Variants in MTOR observed in about 807,000 individuals in gnomAD.
MTOR encodes the protein serine/threonine-protein kinase mTOR.
MTOR carries 70 observed loss-of-function variants against 319.8 expected under a neutral mutation model. The ratio of observed to expected loss-of-function variants is 0.22; its 90% CI spans 0.18 to 0.27. The LOEUF (loss-of-function observed/expected upper bound fraction) is 0.27. Ranked by LOEUF, MTOR falls within the 10% of genes least tolerant of loss-of-function variation. The pLI is 1.00. For synonymous variants in MTOR, 1,183 were observed against 1,211.4 expected, an observed-to-expected ratio of 0.98 and a Z score of 0.49; for missense variants, 1,890 against 3,274.4, an observed-to-expected ratio of 0.58 and a Z score of 10.32.
chr1:11,256,879 C>T lies in MTOR; in HGVS notation c.504+54G>A, dbSNP rs565848493. The T allele has an allele frequency of 7.2e-5, 111 of 1,539,974 alleles. No individual in the cohort carries two copies. The Middle Eastern group carries it at 8.5e-4, about 12-fold the overall frequency. ...CCTCAGAAGGAAGCAAAAGACCCCC[C>T]CATGACACCATCGTTCCCCAAGCCT... On this transcript the variant is annotated intron_variant, in intron 4 of 57. Transcript: ENST00000361445.
intron 28 of MTOR, among the ~76,000 whole-genome samples, chr1:11,170,245 G>A (rs985743887): frequency 6.6e-6 from 1 of 152,182 alleles, no homozygotes; most frequent in Non-Finnish European, 1.5e-5. Context: ...CTCCACTGTA[G>A]GTTCATTGGG....
Position 11,167,520 on chromosome 1 carries a change from G to T in MTOR, c.4254-3C>A. The stretch of plus-strand genomic sequence containing the variant: ...GCTGCTGTAGCTTATTATTAATGCT[G>T]AGAAAACAAAGGGAAAAGGTAGTTA... On this transcript the variant is annotated splice_region_variant and splice_polypyrimidine_tract_variant and intron_variant, in intron 28 of 57. Transcript: ENST00000361445. The T allele has an allele frequency of 1.2e-6, 2 of 1,610,394 alleles. No individual in the cohort carries two copies. The highest frequency in any genetic ancestry group is 2.2e-5 in the South Asian group (2 of 91,004).
chr1:11,153,261 G>A (rs544700076), intron 30 of MTOR, among the ~76,000 whole-genome samples: 1 of 152,298 alleles, frequency 6.6e-6, no homozygotes, highest in African/African-American at 2.4e-5. Context: ...AAAAGAGGCA[G>A]AAGAAGAGGG....
intron 9 of MTOR, among the ~76,000 whole-genome samples, chr1:11,242,700 G>A (rs1276964159): frequency 6.6e-6 from 1 of 152,164 alleles, no homozygotes; most frequent in East Asian, 1.9e-4. Flanking sequence ...TTCGCCAGGA[G>A]GTTTAAAGAG....
Position 11,144,980 on chromosome 1 carries a change from ACT to A in MTOR, c.4750_4751del (p.Arg1585GlyfsTer63). On this transcript the variant is annotated frameshift_variant, in exon 33 of 58. Coordinates refer to ENST00000361445, the MANE Select transcript of MTOR (RefSeq NM_004958.4). LOFTEE classifies it high-confidence loss of function. ...ELTAMAGESY[S>X]RAYGAMVSCH... Reference sequence around the variant, plus strand: ...AGTTGACACTTACCCCATATGCCCGACTGTAACTCTCTCCTGCCATCGCAGTT... The same window carrying A: ...AGTTGACACTTACCCCATATGCCCGAGTAACTCTCTCCTGCCATCGCAGTT... 6.2e-7 allele frequency: 1 copy of A among 1,614,128 alleles called. No individual in the cohort carries two copies.
Position 11,109,105 on chromosome 1 carries a change from T to A in MTOR, c.7528+185A>T, listed in dbSNP as rs1641725674. Among the ~76,000 whole-genome samples, 1 of 152,216 alleles carries A rather than the reference T, an allele frequency of 6.6e-6. No individual in the cohort carries two copies. The highest frequency in any genetic ancestry group is 2.4e-5 in the African/African-American group (1 of 41,456). On this transcript the variant is annotated intron_variant, in intron 56 of 57. Transcript: ENST00000361445. This position sits in a 1 kb window ranked among gnomAD's most constrained non-coding sequence, Gnocchi z 4.0. ...GAGATTAAACTAACATTAAGTACTGTTATCAGTCATCAGAAAGAAGAATCA... is the reference window on the plus strand; with the variant it reads ...GAGATTAAACTAACATTAAGTACTGATATCAGTCATCAGAAAGAAGAATCA...
chr1:11,175,979 C>T (rs572735436), intron 28 of MTOR, among the ~76,000 whole-genome samples: 13 of 152,146 alleles, frequency 8.5e-5, no homozygotes, highest in African/African-American at 3.1e-4. Context: ...AACTCCTGAC[C>T]TCAAATGATC....
At position 11,150,120 on chromosome 1, in the gene MTOR, C is replaced by A; in HGVS notation, c.4570+6G>T. Reference sequence around the variant, plus strand: ...CTTCACAGGGTGCCTGTGAGGGAAGCTTTACCTAAACCCCATGCAGCTGCA... The same window carrying A: ...CTTCACAGGGTGCCTGTGAGGGAAGATTTACCTAAACCCCATGCAGCTGCA... On this transcript the variant is annotated splice_donor_region_variant and intron_variant, in intron 31 of 57. Transcript: ENST00000361445. 6.2e-7 allele frequency: 1 copy of A among 1,613,486 alleles called. No homozygotes were observed. Among genetic ancestry groups the A allele is most frequent in the Non-Finnish European group, 8.5e-7 (1 of 1,179,766 alleles).
intron 30 of MTOR, among the ~76,000 whole-genome samples, chr1:11,156,368 T>C (rs1323498712): frequency 6.6e-6 from 1 of 152,338 alleles, no homozygotes. Context: ...TTTTTAAAAG[T>C]TGCACTTGTT....
At chr1:11,193,199 C>T (rs1188994995) in intron 28 of MTOR, among the ~76,000 whole-genome samples, 1 of 151,744 alleles carries the variant, frequency 6.6e-6, no homozygotes, top group African/African-American at 2.4e-5. Context: ...CACTCTGGTC[C>T]CAGCTACTAG....
chr1:11,242,500 C>CAAAAAAAAAAAAAAAAAAAAA (rs70977555), intron 9 of MTOR, among the ~76,000 whole-genome samples: 1 of 52,632 alleles, frequency 1.9e-5, no homozygotes, highest in African/African-American at 8.7e-5. Context: ...GACTCCATCT[C>CAAAAAAAAAAAAAAAAAAAAA]AAAAAAAAAA....
At chr1:11,136,283 A>G (rs2100460907) in intron 36 of MTOR, among the ~76,000 whole-genome samples, 1 of 152,360 alleles carries the variant, frequency 6.6e-6, no homozygotes, top group Admixed American at 6.5e-5. Flanking sequence ...ACCCAGAGCC[A>G]GAATGACATG....
chr1:11,221,677 C>T (rs1171686503), intron 19 of MTOR, among the ~76,000 whole-genome samples: 1 of 147,496 alleles, frequency 6.8e-6, no homozygotes, highest in Admixed American at 6.8e-5. Context: ...AAGATTGGTG[C>T]CTGCAATGAA....
At chr1:11,230,217 T>C (rs535977953) in intron 18 of MTOR, among the ~76,000 whole-genome samples, 2 of 151,944 alleles carry the variant, frequency 1.3e-5, no homozygotes, top group East Asian at 3.9e-4. Flanking sequence ...GGTCAGGAGT[T>C]TGAGAACAGC....
intron 28 of MTOR, among the ~76,000 whole-genome samples, chr1:11,168,850 T>C (rs933807594): frequency 6.6e-6 from 1 of 152,150 alleles, no homozygotes; most frequent in African/African-American, 2.4e-5. Flanking sequence ...CTAAGCTCAA[T>C]ACTAAATATA....
At chr1:11,235,366 C>T (rs1647167458) in intron 13 of MTOR, among the ~76,000 whole-genome samples, 1 of 152,168 alleles carries the variant, frequency 6.6e-6, no homozygotes. Flanking sequence ...TGCCTGTAAT[C>T]CCAGCACTTT....
At chr1:11,258,435 G>A in intron 3 of MTOR, 50 bp downstream of exon 3, 1 of 1,281,772 alleles carries the variant, frequency 7.8e-7, no homozygotes. Flanking sequence ...AGGGTGCAGT[G>A]GGCACAAAGG....
chr1:11,181,638 T>C (rs1645147729), intron 28 of MTOR, among the ~76,000 whole-genome samples: 1 of 152,232 alleles, frequency 6.6e-6, no homozygotes, highest in Non-Finnish European at 1.5e-5. Context: ...GAAGGAAAAC[T>C]GACCCCATGC....
chr1:11,238,529 G>A lies in MTOR; in HGVS notation c.1875C>T (p.Thr625=), dbSNP rs1324829338. The stretch of plus-strand genomic sequence containing the variant: ...TGGAGGGTGTGAGCAGGCGGGAGCA[G>A]GTGCGGGCAGCCTCCATGCGGATCT... ...HKEIRMEAAR[T]CSRLLTPSIH... The change falls in exon 12 of 58, where the codon ACC becomes ACT. Residue 625 remains threonine (T), a synonymous_variant. Transcript: ENST00000361445. The A allele has an allele frequency of 4.3e-6, 7 of 1,614,194 alleles. No homozygotes were observed. The highest frequency in any genetic ancestry group is 2.5e-6 in the Non-Finnish European group (3 of 1,180,040).
Sources: gnomAD v4.1 joint callset for allele counts (sites outside exome capture counted in the v4.1 genomes callset) on GRCh38, gnomAD v4.1.1 for gene constraint, Gnocchi (gnomAD v3.1) non-coding constraint, MANE v1.5 for transcripts, NCBI Gene and HGNC (gene_info 2026-07-23, HGNC 2026-07-21) for gene names.